Variants in PTPN21 observed in about 807,000 individuals in gnomAD.
PTPN21 encodes protein tyrosine phosphatase non-receptor type 21.
A neutral mutation model predicts 131.8 loss-of-function variants in PTPN21; 77 were observed. The observed-to-expected ratio is 0.58, with a 90% CI of 0.49 to 0.71. The LOEUF is 0.71. Ranked by LOEUF, PTPN21 falls within the 30% of genes least tolerant of loss-of-function variation. The pLI is 0.00. For missense variants in PTPN21, 1,552 were observed against 1,527.1 expected (o/e 1.02, Z -0.27); for synonymous variants, 715 against 621.3 (o/e 1.15, Z -2.24).
chr14:88,503,052 T>C (rs1595375879), intron 6 of PTPN21, among the ~76,000 whole-genome samples: 1 of 147,744 alleles, frequency 6.8e-6, no homozygotes, highest in East Asian at 1.9e-4. Context: ...TAAATCTTTT[T>C]CTTTTTTTTT....
intron 6 of PTPN21, among the ~76,000 whole-genome samples, chr14:88,501,815 CA>C (rs57033194): frequency 0.24 from 34,160 of 145,086 alleles, 4,031 homozygotes; most frequent in East Asian, 0.32. Flanking sequence ...CCTGTCACTA[CA>C]AAAAAAAAAA....
intron 10 of PTPN21, chr14:88,492,974 A>T (rs1051957373): frequency 2.4e-6 from 1 of 409,176 alleles, no homozygotes; most frequent in Non-Finnish European, 4.9e-6. Context: ...CTGTCAGTTG[A>T]TATCTGTCAA....
chr14:88,477,764 A>G (rs956464392), intron 13 of PTPN21, among the ~76,000 whole-genome samples: 1 of 152,120 alleles, frequency 6.6e-6, no homozygotes, highest in African/African-American at 2.4e-5. Context: ...GCAGGGCATG[A>G]GGAGTGGAGA....
chr14:88,490,652 T>TAC (rs2140115738), intron 10 of PTPN21, among the ~76,000 whole-genome samples: 1 of 152,314 alleles, frequency 6.6e-6, no homozygotes, highest in East Asian at 1.9e-4. Context: ...AGGCAGGGCC[T>TAC]ACTCTAGTCA....
chr14:88,492,900 G>T, intron 10 of PTPN21: 2 of 341,820 alleles, frequency 5.9e-6, no homozygotes, highest in South Asian at 4.5e-5. Flanking sequence ...CGAAGATGAG[G>T]AAGAGGAGAC....
At chr14:88,484,765 G>A (rs2077707901) in intron 12 of PTPN21, among the ~76,000 whole-genome samples, 1 of 152,148 alleles carries the variant, frequency 6.6e-6, no homozygotes, top group Non-Finnish European at 1.5e-5. Flanking sequence ...TGGCGTGCCT[G>A]TAGTCCCAGC....
chr14:88,490,762 G>A (rs1038393989), intron 10 of PTPN21, among the ~76,000 whole-genome samples: 1 of 152,206 alleles, frequency 6.6e-6, no homozygotes, highest in Non-Finnish European at 1.5e-5. Context: ...CCATCTCACT[G>A]CGCTCAGCGA....
chr14:88,522,231 G>A (rs192756122), intron 2 of PTPN21, among the ~76,000 whole-genome samples: 3 of 151,526 alleles, frequency 2.0e-5, no homozygotes, highest in Non-Finnish European at 4.4e-5. Flanking sequence ...GTTCGAGACT[G>A]GCCTGGCCAA....
chr14:88,495,324 G>A (rs1450045908), intron 10 of PTPN21, among the ~76,000 whole-genome samples: 2 of 152,146 alleles, frequency 1.3e-5, no homozygotes, highest in Non-Finnish European at 2.9e-5. Context: ...GTGGTATTGA[G>A]GACTAAGCAC....
At position 88,554,925 on chromosome 14, in the gene PTPN21, C is replaced by T. The variant is rs2078905125; in HGVS notation, c.-477G>A. 6.6e-6 allele frequency among the ~76,000 whole-genome samples: 1 copy of T among 151,678 alleles called. No individual in the cohort carries two copies. Among genetic ancestry groups the T allele is most frequent in the African/African-American group, 2.4e-5 (1 of 41,498 alleles). Reference sequence around the variant, plus strand: ...GCCGCACAAAGAAGCCCCGTGGGGGCGGGGGGTGGCAGGAGGACGGACAGA... The same window carrying T: ...GCCGCACAAAGAAGCCCCGTGGGGGTGGGGGGTGGCAGGAGGACGGACAGA... On this transcript the variant is annotated 5_prime_UTR_variant, in exon 1 of 19. Transcript: ENST00000556564.
Position 88,471,892 on chromosome 14 carries a change from G to C in PTPN21, c.2871+352C>G, listed in dbSNP as rs1312970837. Among the ~76,000 whole-genome samples, 8 of 151,040 alleles carry C rather than the reference G, an allele frequency of 5.3e-5. 1 individual carries two copies. The highest frequency in any genetic ancestry group is 1.7e-4 in the African/African-American group (7 of 40,970). ...CTGCACTCCACCTGTCTGGGCGACA[G>C]AGCAAGACTCTATCTCAAAAAAGGC... On this transcript the variant is annotated intron_variant, in intron 15 of 18. Transcript: ENST00000556564.
chr14:88,524,997 T>C (rs1023231705), intron 2 of PTPN21, among the ~76,000 whole-genome samples: 1 of 152,096 alleles, frequency 6.6e-6, no homozygotes, highest in Non-Finnish European at 1.5e-5. Flanking sequence ...AAACCTAACA[T>C]TTTGGGAGGC....
At chr14:88,475,392 A>G (rs1438391131) in intron 13 of PTPN21, among the ~76,000 whole-genome samples, 1 of 152,244 alleles carries the variant, frequency 6.6e-6, no homozygotes, top group Non-Finnish European at 1.5e-5. Context: ...TATAATTAAT[A>G]TTTGATCATG....
At chr14:88,510,670 CCT>C (rs1324775647) in intron 3 of PTPN21, among the ~76,000 whole-genome samples, 2 of 152,162 alleles carry the variant, frequency 1.3e-5, no homozygotes, top group African/African-American at 4.8e-5. Context: ...AGCAGTGTGA[CCT>C]TGGGCAAGGT....
At chr14:88,509,082 A>T (rs1431994589) in intron 3 of PTPN21, among the ~76,000 whole-genome samples, 1 of 152,084 alleles carries the variant, frequency 6.6e-6, no homozygotes, top group African/African-American at 2.4e-5. Flanking sequence ...AAGGACCAAG[A>T]GCATAGCCGG....
intron 8 of PTPN21, among the ~76,000 whole-genome samples, chr14:88,498,583 C>A (rs1238681199): frequency 6.6e-6 from 1 of 152,188 alleles, no homozygotes; most frequent in African/African-American, 2.4e-5. Context: ...AGTTACAGTG[C>A]TTCCCTCAAA....
At chr14:88,522,231 G>C (rs192756122) in intron 2 of PTPN21, among the ~76,000 whole-genome samples, 21 of 151,642 alleles carry the variant, frequency 1.4e-4, no homozygotes, top group Middle Eastern at 3.4e-3. Context: ...GTTCGAGACT[G>C]GCCTGGCCAA....
At position 88,501,355 on chromosome 14, in the gene PTPN21, G is replaced by A. The variant is rs758173899; in HGVS notation, c.601C>T (p.Pro201Ser). The part of the protein sequence containing the change: ...LHQKYRGLTA[P>S]DAEMLYMQEV... ...TGCATGTACAGCATTTCAGCATCAG[G>A]AGCTGTGAGCCCTCTGCAACCCAAA... is the stretch of plus-strand genomic sequence containing the variant. Residue 201 changes from proline (P) to serine (S), a missense_variant, in exon 7 of 19, where the codon CCT becomes TCT. Pro to Ser is a moderately conservative substitution (Grantham distance 74). This residue lies in a region of PTPN21 where 14 missense variants were observed against 43.5 expected (regional missense o/e 0.32). Transcript: ENST00000556564. The A allele has an allele frequency of 5.6e-6, 9 of 1,613,856 alleles. No homozygotes were observed. In the East Asian group the frequency reaches 1.8e-4, roughly 32 times the overall value.
intron 14 of PTPN21, 31 bp from the exon 15 acceptor site, chr14:88,472,496 A>C (rs934204438): frequency 7.3e-7 from 1 of 1,375,754 alleles, no homozygotes; most frequent in Non-Finnish European, 1.0e-6. Flanking sequence ...AATAACATGA[A>C]TACAGCCACA....
Sources: allele counts gnomAD v4.1 joint callset (sites outside exome capture counted in the v4.1 genomes callset), GRCh38; gene constraint gnomAD v4.1.1; regional missense constraint gnomAD v4.1.1; transcripts MANE v1.5; gene names NCBI Gene and HGNC (gene_info 2026-07-23, HGNC 2026-07-21).